VPS13B: variants seen among roughly 807,000 people sequenced by gnomAD.
VPS13B encodes vacuolar protein sorting 13 homolog B.
In VPS13B, 285 loss-of-function variants were observed where a neutral mutation model predicts 426.4. That is an observed-to-expected ratio of 0.67 (90% CI 0.61 to 0.74). The LOEUF (loss-of-function observed/expected upper bound fraction) is 0.74. VPS13B is among the 30% of genes least tolerant of loss of function. The probability of loss-of-function intolerance (pLI) is 0.00; values close to 1 mark genes in which losing one functional copy is unlikely to be tolerated. For synonymous variants in VPS13B, 1,676 were observed against 1,676.4 expected, an observed-to-expected ratio of 1.00 and a Z score of 0.01; for missense variants, 4,537 against 4,782.6, an observed-to-expected ratio of 0.95 and a Z score of 1.51.
intron 3 of VPS13B, among the ~76,000 whole-genome samples, chr8:99,044,375 G>A (rs1041459575): frequency 9.9e-5 from 15 of 150,772 alleles, no homozygotes; most frequent in African/African-American, 3.4e-4. Flanking sequence ...GAGCCACCGC[G>A]CCCGGCCTCT....
At chr8:99,233,726 T>G (rs1563617395) in intron 17 of VPS13B, 1 of 781,768 alleles carries the variant, frequency 1.3e-6, no homozygotes, top group Non-Finnish European at 2.4e-6. Flanking sequence ...GATTGTTATC[T>G]TGGTCCCTGT....
chr8:99,336,451 T>C (rs1010615969), intron 19 of VPS13B, among the ~76,000 whole-genome samples: 2 of 152,112 alleles, frequency 1.3e-5, no homozygotes, highest in African/African-American at 2.4e-5. Context: ...GACATAGGCA[T>C]GGGCAAGGAC....
At chr8:99,425,984 A>G (rs1816680247) in intron 21 of VPS13B, among the ~76,000 whole-genome samples, 1 of 151,704 alleles carries the variant, frequency 6.6e-6, no homozygotes, top group African/African-American at 2.4e-5. Context: ...ATATGTATAC[A>G]TGTGCCATGC....
chr8:99,143,215 A>T (rs760511610), intron 13 of VPS13B, 50 bp downstream of exon 13: 4 of 1,609,140 alleles, frequency 2.5e-6, no homozygotes, highest in Non-Finnish European at 3.4e-6. Flanking sequence ...TTTGAGAATA[A>T]TTATATAATC....
chr8:99,557,130 A>C (rs1033024232), intron 31 of VPS13B, among the ~76,000 whole-genome samples: 1 of 152,100 alleles, frequency 6.6e-6, no homozygotes, highest in Non-Finnish European at 1.5e-5. Flanking sequence ...CTATGTTGAT[A>C]GATCTTTTTA....
intron 36 of VPS13B, among the ~76,000 whole-genome samples, chr8:99,708,829 G>GTCTCTC (rs147100515): frequency 1.1e-4 from 16 of 149,668 alleles, no homozygotes; most frequent in African/African-American, 3.2e-4. Context: ...CTCTCTCTCT[G>GTCTCTC]TCTCTCTCTC....
At chr8:99,128,603 A>AT (rs1432629214) in intron 8 of VPS13B, among the ~76,000 whole-genome samples, 1 of 151,494 alleles carries the variant, frequency 6.6e-6, no homozygotes, top group Non-Finnish European at 1.5e-5. Flanking sequence ...CTCCAATTTC[A>AT]TTTTTTGTGG....
chr8:99,137,924 C>T (rs188881306), intron 12 of VPS13B, among the ~76,000 whole-genome samples: 9 of 152,130 alleles, frequency 5.9e-5, no homozygotes, highest in Non-Finnish European at 5.9e-5. Flanking sequence ...CCTATGACCA[C>T]TTACTACCTC....
intron 3 of VPS13B, among the ~76,000 whole-genome samples, chr8:99,058,639 CT>C (rs1844015120): frequency 6.6e-6 from 1 of 151,930 alleles, no homozygotes; most frequent in Non-Finnish European, 1.5e-5. Context: ...TGGAAGTTGA[CT>C]TTTTTCACAG....
intron 19 of VPS13B, among the ~76,000 whole-genome samples, chr8:99,326,452 C>CTTGTTTTTTTTTTTTTTTT (rs1810267861): frequency 3.1e-5 from 1 of 32,516 alleles, no homozygotes; most frequent in African/African-American, 1.3e-4. Flanking sequence ...CTCTAGGTAG[C>CTTGTTTTTTTTTTTTTTTT]TTTTTTTTTT....
chr8:99,156,490 A>G (rs1811371579), intron 14 of VPS13B, 59 bp from the exon 15 acceptor site: 1 of 1,547,006 alleles, frequency 6.5e-7, no homozygotes, highest in Admixed American at 1.7e-5. Context: ...CATAGAGGGA[A>G]CTGCAACTCA....
At chr8:99,335,782 A>T (rs1213544918) in intron 19 of VPS13B, among the ~76,000 whole-genome samples, 2 of 152,188 alleles carry the variant, frequency 1.3e-5, no homozygotes, top group Non-Finnish European at 2.9e-5. Context: ...AAAGAGAATA[A>T]AATACCTAGG....
intron 2 of VPS13B, among the ~76,000 whole-genome samples, chr8:99,030,191 TCTC>T (rs1842443850): frequency 7.0e-6 from 1 of 142,244 alleles, no homozygotes. Context: ...TAGGCGTTCT[TCTC>T]ATTCTTTTTA....
chr8:99,295,585 T>C (rs1002560122), intron 19 of VPS13B, among the ~76,000 whole-genome samples: 1 of 152,184 alleles, frequency 6.6e-6, no homozygotes, highest in Non-Finnish European at 1.5e-5. Context: ...AACACTTACA[T>C]TGGCCTTCAG....
At chr8:99,756,139 A>C (rs1223555073) in intron 39 of VPS13B, among the ~76,000 whole-genome samples, 1 of 152,178 alleles carries the variant, frequency 6.6e-6, no homozygotes, top group African/African-American at 2.4e-5. Context: ...ATAGAATATT[A>C]ATAATGAGAT....
intron 33 of VPS13B, among the ~76,000 whole-genome samples, chr8:99,624,474 G>T (rs1435680015): frequency 6.6e-6 from 1 of 152,106 alleles, no homozygotes; most frequent in Non-Finnish European, 1.5e-5. Context: ...TTCCTGGTAG[G>T]TGTAGCCAGG....
chr8:99,688,153 T>TTA (rs1163353155), intron 35 of VPS13B, among the ~76,000 whole-genome samples: 1 of 147,076 alleles, frequency 6.8e-6, no homozygotes. Context: ...TTTTTTTTTT[T>TTA]ATCTGAGGAG....
intron 35 of VPS13B, among the ~76,000 whole-genome samples, chr8:99,664,763 T>C (rs1830405318): frequency 6.6e-6 from 1 of 152,208 alleles, no homozygotes. Flanking sequence ...TTGTGAATAG[T>C]GCCGCAATAA....
intron 39 of VPS13B, among the ~76,000 whole-genome samples, chr8:99,759,672 G>C (rs943995837): frequency 6.6e-6 from 1 of 152,042 alleles, no homozygotes; most frequent in African/African-American, 2.4e-5. Context: ...ATGAACTTCT[G>C]ATCTCTCCTC....
Sources: allele counts gnomAD v4.1 joint callset (sites outside exome capture counted in the v4.1 genomes callset), GRCh38; gene constraint gnomAD v4.1.1; transcripts MANE v1.5; gene names NCBI Gene and HGNC (gene_info 2026-07-23, HGNC 2026-07-21).